MYO1E: variants seen among roughly 807,000 people sequenced by gnomAD.
MYO1E encodes unconventional myosin-Ie.
In MYO1E, 68 loss-of-function variants were observed where a neutral mutation model predicts 151.1. The ratio of observed to expected loss-of-function variants is 0.45; its 90% CI spans 0.37 to 0.55. The LOEUF is 0.55. Ranked by LOEUF, MYO1E falls within the 20% of genes least tolerant of loss-of-function variation. The probability of loss-of-function intolerance (pLI) is 0.00; values close to 1 mark genes in which losing one functional copy is unlikely to be tolerated. For synonymous variants in MYO1E, 601 were observed against 501.7 expected, an observed-to-expected ratio of 1.20 and a Z score of -2.64; for missense variants, 1,363 against 1,389.3, an observed-to-expected ratio of 0.98 and a Z score of 0.30.
At position 59,159,838 on chromosome 15, in the gene MYO1E, T is replaced by A. The variant is rs1330452287; in HGVS notation, c.2785+1235A>T. On this transcript the variant is annotated intron_variant, in intron 24 of 27. Transcript: ENST00000288235. This position sits in a 1 kb window ranked among gnomAD's most constrained non-coding sequence, Gnocchi z 4.4. ...TACCTTTGCAGACAGATTTGAGAAA[T>A]GGCTAATTAATTAATTAATTTTTGA... 6.6e-6 allele frequency among the ~76,000 whole-genome samples: 1 copy of A among 151,352 alleles called. No homozygotes were observed. Among genetic ancestry groups the A allele is most frequent in the Non-Finnish European group, 1.5e-5 (1 of 67,920 alleles).
chr15:59,237,743 A>C (rs2080075683), intron 4 of MYO1E, among the ~76,000 whole-genome samples: 1 of 152,248 alleles, frequency 6.6e-6, no homozygotes, highest in Non-Finnish European at 1.5e-5. Context: ...ACTCAAGGAA[A>C]GAGAAAACAT....
chr15:59,188,311 T>C (rs2079711575), intron 17 of MYO1E, 95 bp from the exon 18 acceptor site: 2 of 895,334 alleles, frequency 2.2e-6, no homozygotes, highest in Admixed American at 1.7e-5. Flanking sequence ...TTCCAAGCTG[T>C]AGGGAAACAT....
chr15:59,243,789 T>C (rs1217526509), intron 4 of MYO1E, among the ~76,000 whole-genome samples: 2 of 149,720 alleles, frequency 1.3e-5, no homozygotes, highest in African/African-American at 4.9e-5. Flanking sequence ...AAATAATAAA[T>C]AGCCTACATC....
In MYO1E at chr15:59,187,631, G is replaced by A. The variant is rs548826421; in HGVS notation, c.1904+487C>T. On this transcript the variant is annotated intron_variant, in intron 18 of 27. Coordinates refer to ENST00000288235, the MANE Select transcript of MYO1E (RefSeq NM_004998.4). ...ATGACCACATAAAAACTTGTACACAGATTTTCATAGCAGCATTATTCATAA... is the reference window on the plus strand; with the variant it reads ...ATGACCACATAAAAACTTGTACACAAATTTTCATAGCAGCATTATTCATAA... Among the ~76,000 whole-genome samples the A allele has an allele frequency of 6.4e-3, 970 of 152,286 alleles. 3 individuals are homozygous for A. The highest frequency in any genetic ancestry group is 9.1e-3 in the Non-Finnish European group (622 of 68,020).
intron 26 of MYO1E, among the ~76,000 whole-genome samples, chr15:59,147,609 A>AAAAAAAAC (rs2079449382): frequency 6.6e-6 from 1 of 151,210 alleles, no homozygotes; most frequent in African/African-American, 2.4e-5. Context: ...AAAAAAAAAA[A>AAAAAAAAC]AAAAAACAAT....
intron 1 of MYO1E, among the ~76,000 whole-genome samples, chr15:59,297,051 A>T (rs2080454171): frequency 2.0e-5 from 2 of 98,690 alleles, no homozygotes; most frequent in Admixed American, 1.3e-4. Context: ...ACAGAGTTTC[A>T]CTGTGTTAGC....
chr15:59,142,971 C>T (rs549992178), intron 26 of MYO1E, among the ~76,000 whole-genome samples: 42 of 145,480 alleles, frequency 2.9e-4, no homozygotes, highest in Non-Finnish European at 5.1e-4. Flanking sequence ...AACTAGAGAT[C>T]GTAAGTCTCA....
intron 22 of MYO1E, among the ~76,000 whole-genome samples, chr15:59,165,402 T>A (rs2079558192): frequency 6.6e-6 from 1 of 152,188 alleles, no homozygotes; most frequent in African/African-American, 2.4e-5. Flanking sequence ...ACAGTGTTTT[T>A]TGGACAAATA....
intron 1 of MYO1E, among the ~76,000 whole-genome samples, chr15:59,283,762 AC>A (rs144919075): frequency 0.026 from 4,015 of 152,276 alleles, 166 homozygotes; most frequent in African/African-American, 0.089. Context: ...TGGGCTTCAA[AC>A]CCAGGCAGTC....
At chr15:59,315,118 TCTC>T (rs1465557162) in intron 1 of MYO1E, among the ~76,000 whole-genome samples, 1 of 152,128 alleles carries the variant, frequency 6.6e-6, no homozygotes, top group African/African-American at 2.4e-5. Context: ...AGACCCAAAG[TCTC>T]CTTTACTTGA....
At chr15:59,206,907 C>T in intron 14 of MYO1E, 1 of 1,584,506 alleles carries the variant, frequency 6.3e-7, no homozygotes, top group Admixed American at 1.8e-5. Context: ...CAGCTTTTTT[C>T]CATTCTCTCT....
chr15:59,265,747 G>A (rs943947328), intron 2 of MYO1E, among the ~76,000 whole-genome samples: 1 of 148,674 alleles, frequency 6.7e-6, no homozygotes, highest in African/African-American at 2.5e-5. Flanking sequence ...CTTGAGTCCA[G>A]GAGTTCGAGA....
At chr15:59,288,214 C>T (rs1230475193) in intron 1 of MYO1E, among the ~76,000 whole-genome samples, 3 of 152,144 alleles carry the variant, frequency 2.0e-5, no homozygotes. Flanking sequence ...CTCACTCTGT[C>T]ACCCAGGCTA....
intron 1 of MYO1E, among the ~76,000 whole-genome samples, chr15:59,316,231 G>A (rs749899573): frequency 1.1e-4 from 16 of 152,244 alleles, no homozygotes; most frequent in Non-Finnish European, 1.9e-4. Context: ...CACAAGGGCT[G>A]TGGCTTTCTT....
At position 59,173,853 on chromosome 15, in the gene MYO1E, C is replaced by G; in HGVS notation, c.2227G>C (p.Gly743Arg). ...TGCTCTTCCATCCCAATATAATCCC[C>G]TATAAAGTTCCTGTTAATACTGTTT... ...RRNSINRNFI[G>R]DYIGMEEHPE... The change falls in exon 21 of 28, where the codon GGG becomes CGG. Residue 743 changes from glycine to arginine, a missense_variant. Coordinates refer to ENST00000288235, the MANE Select transcript of MYO1E (RefSeq NM_004998.4). The G allele has an allele frequency of 6.2e-7, 1 of 1,614,080 alleles. No individual in the cohort carries two copies. Among genetic ancestry groups the G allele is most frequent in the Admixed American group, 1.7e-5 (1 of 60,014 alleles).
intron 18 of MYO1E, among the ~76,000 whole-genome samples, chr15:59,187,769 A>G (rs114317173): frequency 0.077 from 11,689 of 152,278 alleles, 1,227 homozygotes; most frequent in African/African-American, 0.23. Context: ...GAAGCATGGA[A>G]ATGCAACAAC....
chr15:59,170,751 G>A (rs1448937100), intron 22 of MYO1E, among the ~76,000 whole-genome samples: 3 of 152,112 alleles, frequency 2.0e-5, no homozygotes, highest in Non-Finnish European at 2.9e-5. Flanking sequence ...AGGGAAATTA[G>A]GAACAGATAG....
chr15:59,239,730 A>G (rs2080088910), intron 4 of MYO1E, among the ~76,000 whole-genome samples: 1 of 152,224 alleles, frequency 6.6e-6, no homozygotes, highest in Non-Finnish European at 1.5e-5. Context: ...ACTTAAAATA[A>G]TTAGTTCTCA....
chr15:59,217,937 G>A lies in MYO1E; in HGVS notation c.1061C>T (p.Ala354Val), dbSNP rs200925200. Residue 354 changes from alanine (A) to valine (V), a missense_variant, in exon 10 of 28, where the codon GCG (alanine) becomes GTG (valine). Ala to Val is a moderately conservative substitution (Grantham distance 64). Coordinates refer to ENST00000288235, the MANE Select transcript of MYO1E (RefSeq NM_004998.4). ...CCGGGCGTGCAGGGCCTTGGCGAGCGCATCCCGGGTGTAACAGGCCTGCTC... is the reference window on the plus strand; with the variant it reads ...CCGGGCGTGCAGGGCCTTGGCGAGCACATCCCGGGTGTAACAGGCCTGCTC... ...NVEQACYTRD[A>V]LAKALHARVF... 4.3e-6 allele frequency: 7 copies of A among 1,614,144 alleles called. No individual in the cohort carries two copies. The highest frequency in any genetic ancestry group is 3.4e-6 in the Non-Finnish European group (4 of 1,180,012).
Sources: gnomAD v4.1 joint callset for allele counts (sites outside exome capture counted in the v4.1 genomes callset) on GRCh38, gnomAD v4.1.1 for gene constraint, Gnocchi (gnomAD v3.1) non-coding constraint, MANE v1.5 for transcripts, NCBI Gene and HGNC (gene_info 2026-07-23, HGNC 2026-07-21) for gene names.